Variants in TENM1 observed in about 807,000 individuals in gnomAD.
TENM1 encodes teneurin transmembrane protein 1.
In TENM1, 35 loss-of-function variants were observed where a neutral mutation model predicts 174.8. The observed-to-expected ratio is 0.20, with a 90% CI of 0.15 to 0.27. The LOEUF (loss-of-function observed/expected upper bound fraction) is 0.27. Among genes scored for constraint, TENM1 ranks in the 10% least tolerant of loss-of-function variants. TENM1 has a pLI of 1.00. For synonymous variants in TENM1, 781 were observed against 798.7 expected, an observed-to-expected ratio of 0.98 and a Z score of 0.37; for missense variants, 1,633 against 2,130.1, an observed-to-expected ratio of 0.77 and a Z score of 4.59.
chrX:124,614,806 C>A lies in TENM1; in HGVS notation c.2077+26985G>T, dbSNP rs113123166. ...GCTGAGGCAGGAGAATCGCTTCAAC[C>A]CAGGAGGTGGAGATTGCAGTGAGCG... On this transcript the variant is annotated intron_variant, in intron 11 of 31. Coordinates refer to ENST00000422452, the Ensembl canonical transcript of TENM1. Among the ~76,000 whole-genome samples, 9 of 112,303 alleles carry A rather than the reference C, an allele frequency of 8.0e-5. No homozygotes were observed. The Admixed American group carries it at 8.5e-4, about 11-fold the overall frequency.
At chrX:124,801,183 A>T (rs927315931) in intron 3 of TENM1, among the ~76,000 whole-genome samples, 3 of 111,513 alleles carry the variant, frequency 2.7e-5, no homozygotes, top group Non-Finnish European at 3.8e-5. Context: ...TCTGTATAAT[A>T]TTGACAGTGG....
chrX:124,415,026 C>T (rs1352624158), intron 25 of TENM1, among the ~76,000 whole-genome samples: 1 of 112,029 alleles, frequency 8.9e-6, no homozygotes, highest in Non-Finnish European at 1.9e-5. Flanking sequence ...GTATAGCAGC[C>T]TTCTACCGAC....
chrX:124,411,984 T>C (rs994862706), intron 25 of TENM1: 3 of 112,354 alleles, frequency 2.7e-5, no homozygotes, highest in Non-Finnish European at 3.8e-5. Flanking sequence ...ACCCACCCTC[T>C]TTGCATGCAG....
chrX:124,401,367 G>C (rs1301969951), intron 27 of TENM1, among the ~76,000 whole-genome samples: 1 of 111,708 alleles, frequency 9.0e-6, no homozygotes, highest in Non-Finnish European at 1.9e-5. Context: ...TCAAAAGGGA[G>C]CCCCATTTCC....
intron 3 of TENM1, among the ~76,000 whole-genome samples, chrX:124,787,664 T>C (rs770005554): frequency 8.9e-6 from 1 of 112,245 alleles, no homozygotes; most frequent in African/African-American, 3.2e-5. Flanking sequence ...AGCTTTTCTA[T>C]TATTTTCTAA....
chrX:124,496,169 G>A (rs1444832784), intron 20 of TENM1, among the ~76,000 whole-genome samples: 1 of 110,915 alleles, frequency 9.0e-6, no homozygotes, highest in African/African-American at 3.3e-5. Context: ...CTAGCCATAT[G>A]TAGAAAGCTG....
the TENM1 span, among the ~76,000 whole-genome samples, chrX:125,059,095 A>G: frequency 9.1e-6 from 1 of 109,813 alleles, no homozygotes; most frequent in South Asian, 3.9e-4. Flanking sequence ...TTTCTGCTCT[A>G]TGGAATTTCA....
At chrX:124,482,102 T>C in intron 21 of TENM1, 138 bp from the exon 25 acceptor site, 1 of 415,978 alleles carries the variant, frequency 2.4e-6, no homozygotes, top group East Asian at 3.9e-5. Context: ...ACCAAGGAGA[T>C]GGATACTTCT....
At chrX:124,736,536 A>C (rs1603096372) in intron 4 of TENM1, among the ~76,000 whole-genome samples, 1 of 111,740 alleles carries the variant, frequency 8.9e-6, no homozygotes, top group East Asian at 2.8e-4. Flanking sequence ...AGAATCTTAC[A>C]ATAAATAAAA....
chrX:124,835,171 T>C (rs1044673831), intron 3 of TENM1, among the ~76,000 whole-genome samples: 3 of 111,974 alleles, frequency 2.7e-5, no homozygotes, highest in African/African-American at 9.7e-5. Flanking sequence ...GTCAACCTCA[T>C]TTTGTGACCT....
the TENM1 span, among the ~76,000 whole-genome samples, chrX:125,073,275 G>A: frequency 9.0e-6 from 1 of 110,593 alleles, no homozygotes; most frequent in African/African-American, 3.3e-5. Context: ...TGGTCTTTGG[G>A]GACGCGGGAT....
At chrX:125,152,915 G>T in the TENM1 span, among the ~76,000 whole-genome samples, 31 of 111,959 alleles carry the variant, frequency 2.8e-4, no homozygotes, top group African/African-American at 1.0e-3. Flanking sequence ...CAATTATGGG[G>T]CTAGAGTTCC....
chrX:124,698,052 C>T (rs1418553280), intron 5 of TENM1, among the ~76,000 whole-genome samples: 1 of 111,644 alleles, frequency 9.0e-6, no homozygotes, highest in Non-Finnish European at 1.9e-5. Context: ...ATTTTATCTT[C>T]ACCATAGAAT....
At chrX:124,520,366 TG>T in intron 18 of TENM1, 150 bp downstream of exon 21, 1 of 523,977 alleles carries the variant, frequency 1.9e-6, no homozygotes, top group Non-Finnish European at 3.0e-6. Context: ...AACTCTAAAC[TG>T]GCCTCAAGGT....
In TENM1 at chrX:124,746,119, TTTTG is replaced by T. The variant is rs764630888; in HGVS notation, c.536-8926_536-8923del. On this transcript the variant is annotated intron_variant, in intron 3 of 31. Transcript: ENST00000422452. ...CCCATAATTTTATTCAAGTTTATTA[TTTTG>T]TTTATTTACAAATTTAATTAATTTG... Among the ~76,000 whole-genome samples the T allele has an allele frequency of 6.2e-5, 7 of 112,567 alleles. No homozygotes were observed. The South Asian group carries it at 1.8e-3, about 30-fold the overall frequency.
At chrX:124,978,451 AG>A in the TENM1 span, among the ~76,000 whole-genome samples, 1 of 111,913 alleles carries the variant, frequency 8.9e-6, no homozygotes. Flanking sequence ...TGGACATTTT[AG>A]ATAATATAGT....
the TENM1 span, among the ~76,000 whole-genome samples, chrX:125,038,242 T>G: frequency 9.0e-5 from 10 of 110,797 alleles, no homozygotes; most frequent in African/African-American, 2.0e-4. Flanking sequence ...GCCTTTTTTT[T>G]GTTTTGTTTT....
At chrX:124,681,286 A>T (rs1333259365) in intron 5 of TENM1, among the ~76,000 whole-genome samples, 1 of 111,686 alleles carries the variant, frequency 9.0e-6, no homozygotes, top group Non-Finnish European at 1.9e-5. Context: ...GTGATGAAAA[A>T]CTATGAAACC....
At chrX:124,434,547 T>C (rs2060814635) in intron 23 of TENM1, among the ~76,000 whole-genome samples, 1 of 112,347 alleles carries the variant, frequency 8.9e-6, no homozygotes, top group Non-Finnish European at 1.9e-5. Flanking sequence ...CTACCTCATC[T>C]TAATAACAGG....
Sources: gnomAD v4.1 joint callset for allele counts (sites outside exome capture counted in the v4.1 genomes callset) on GRCh38, gnomAD v4.1.1 for gene constraint, MANE v1.5 for transcripts, NCBI Gene and HGNC (gene_info 2026-07-23, HGNC 2026-07-21) for gene names.